The following LDHD variants were observed in gnomAD, a reference collection of about 807,000 sequenced individuals.
LDHD encodes lactate dehydrogenase D, also known as D-lactate dehydrogenase, mitochondrial.
A neutral mutation model predicts 52.9 loss-of-function variants in LDHD; 58 were observed. The observed-to-expected ratio is 1.10, with a 90% CI of 0.89 to 1.36. The LOEUF is 1.36. Among genes scored for constraint, LDHD ranks in the 40% most tolerant of loss-of-function variants. LDHD has a pLI of 0.00. For missense variants in LDHD, 747 were observed against 668.0 expected (o/e 1.12, Z -1.30); for synonymous variants, 350 against 288.6 (o/e 1.21, Z -2.16).
In LDHD at chr16:75,112,651, C is replaced by G. The variant is rs2036425671; in HGVS notation, c.1240G>C (p.Asp414His). 1.2e-6 allele frequency: 2 copies of G among 1,614,044 alleles called. No homozygotes were observed. The highest frequency in any genetic ancestry group is 1.7e-6 in the Non-Finnish European group (2 of 1,180,036). The change falls in exon 10 of 11, where the codon GAC (aspartate) becomes CAC (histidine). Residue 414 changes from aspartate (D) to histidine (H), a missense_variant. By Grantham distance (81) the Asp-to-His change is moderately conservative. Coordinates refer to ENST00000450168, the MANE Select transcript of LDHD (RefSeq NM_194436.3). Reference sequence around the variant, plus strand: ...TTGACCCTGCCCAGTTCCTCGGCGTCATCAGGGTTGACCAGCAGGATGCAG... The same window carrying G: ...TTGACCCTGCCCAGTTCCTCGGCGTGATCAGGGTTGACCAGCAGGATGCAG... The part of the protein sequence containing the change: ...FHCILLVNPD[D>H]AEELGRVKAF...
chr16:75,114,728 C>G, intron 4 of LDHD, 43 bp from the exon 5 acceptor site: 1 of 1,549,686 alleles, frequency 6.5e-7, no homozygotes, highest in East Asian at 2.4e-5. Flanking sequence ...GACCGGAGGT[C>G]CTTTCCCTCG....
chr16:75,115,008 C>A, intron 3 of LDHD, 40 bp from the exon 4 acceptor site: 1 of 1,585,770 alleles, frequency 6.3e-7, no homozygotes, highest in Non-Finnish European at 8.6e-7. Flanking sequence ...AGACCTGGGT[C>A]TCTGACCTGG....
In LDHD at chr16:75,116,679, G is replaced by C. The variant is rs1306984099; in HGVS notation, c.42C>G (p.Pro14=). 1.2e-6 allele frequency: 2 copies of C among 1,603,722 alleles called. No homozygotes were observed. The highest frequency in any genetic ancestry group is 1.7e-6 in the Non-Finnish European group (2 of 1,175,868). ...LLRSATWELF[P]WRGYCSQKAK... ...CCTTCTGGGAGCAGTAGCCCCTCCA[G>C]GGGAACAGCTCCCAGGTTGCAGACC... Residue 14 remains proline (P), a synonymous_variant, in exon 1 of 11, where the codon CCC becomes CCG. Coordinates refer to ENST00000450168, the MANE Select transcript of LDHD (RefSeq NM_194436.3).
chr16:75,112,793 G>A (rs747563835), intron 9 of LDHD, 41 bp downstream of exon 9: 2 of 1,601,672 alleles, frequency 1.2e-6, no homozygotes, highest in African/African-American at 2.7e-5. Context: ...GATCAGCCCT[G>A]ACACCTCCCC....
chr16:75,115,744 G>A (rs2036540602), intron 1 of LDHD, 84 bp from the exon 2 acceptor site: 2 of 882,716 alleles, frequency 2.3e-6, no homozygotes, highest in Non-Finnish European at 3.4e-6. Context: ...GGAGGGCTGG[G>A]GGCTGGAGGC....
chr16:75,113,431 G>A, intron 8 of LDHD, 104 bp downstream of exon 8: 5 of 1,389,740 alleles, frequency 3.6e-6, no homozygotes, highest in East Asian at 2.3e-5. Flanking sequence ...GCCCAGCCCC[G>A]TTGTTGAGGC....
chr16:75,114,950 G>T lies in LDHD; in HGVS notation c.346C>A (p.Leu116Met). 1 of 1,612,704 alleles carries T rather than the reference G, an allele frequency of 6.2e-7. No individual in the cohort carries two copies. The highest frequency in any genetic ancestry group is 8.5e-7 in the Non-Finnish European group (1 of 1,179,498). The change falls in exon 4 of 11, where the codon CTG becomes ATG. Residue 116 changes from leucine (L) to methionine (M), a missense_variant. Transcript: ENST00000450168. ...CAVQGGVCVN[L>M]THMDRILELN... The stretch of plus-strand genomic sequence containing the variant: ...TCCAGGATTCGGTCCATATGCGTCA[G>T]GTTAACGCAGACGCCGCCCTGGTTG...
chr16:75,114,153 G>C lies in LDHD; in HGVS notation c.642C>G (p.Ala214=), dbSNP rs377513467. Residue 214 remains alanine, a synonymous_variant, in exon 6 of 11, where the codon GCC becomes GCG. Coordinates refer to ENST00000450168, the MANE Select transcript of LDHD (RefSeq NM_194436.3). ...CGAAGAGCCCCGTGAGGTTGTAGCC[G>C]GCTGCACTCTTCCTACGTCCCAGGG... The part of the protein sequence containing the change: ...GRGRHFRKSA[A]GYNLTGLFVG... 3.1e-6 allele frequency: 5 copies of C among 1,612,610 alleles called. No homozygotes were observed. The highest frequency in any genetic ancestry group is 4.2e-6 in the Non-Finnish European group (5 of 1,180,002).
chr16:75,114,008 T>C lies in LDHD; in HGVS notation c.787A>G (p.Thr263Ala). The C allele has an allele frequency of 6.2e-7, 1 of 1,606,654 alleles. No homozygotes were observed. The highest frequency in any genetic ancestry group is 8.5e-7 in the Non-Finnish European group (1 of 1,177,742). ...ACTGCAGCCTGGAGGATGTGTACAGTGCTGTCCACAGCAGCCTGGACACTG... is the reference window on the plus strand; with the variant it reads ...ACTGCAGCCTGGAGGATGTGTACAGCGCTGTCCACAGCAGCCTGGACACTG... The part of the protein sequence containing the change: ...FPSVQAAVDS[T>A]VHILQAAVPV... Residue 263 changes from threonine to alanine, a missense_variant, in exon 6 of 11, where the codon ACT becomes GCT. By Grantham distance (58) the Thr-to-Ala change is moderately conservative (BLOSUM62 0). Transcript: ENST00000450168.
In LDHD at chr16:75,112,434, G is replaced by A. The variant is rs141626735; in HGVS notation, c.1377C>T (p.Ala459=). Residue 459 remains alanine, a synonymous_variant, in exon 11 of 11, where the codon GCC becomes GCT. Transcript: ENST00000450168. ...KRQLLQEEVG[A]VGVETMRQLK... is the part of the protein sequence containing the mutation. ...GCTGCCGCATGGTCTCCACGCCCAC[G>A]GCGCCCACCTCCTCCTGCAGCAGCT... 5.6e-6 allele frequency: 9 copies of A among 1,613,340 alleles called. No individual in the cohort carries two copies. Among genetic ancestry groups the A allele is most frequent in the African/African-American group, 1.3e-5 (1 of 74,926 alleles).
rs2036435826 is a variant in LDHD, at chr16:75,112,861, C to T, written c.1150G>A (p.Glu384Lys). The T allele has an allele frequency of 6.2e-7, 1 of 1,613,468 alleles. No homozygotes were observed. ...RLPEIVVQTK[E>K]DLNASGLTGS... Reference sequence around the variant, plus strand: ...GTGAGTCCTGAGGCATTCAGATCCTCCTTGGTCTGCACCACGATCTCCGGC... The same window carrying T: ...GTGAGTCCTGAGGCATTCAGATCCTTCTTGGTCTGCACCACGATCTCCGGC... Residue 384 changes from glutamate (E) to lysine (K), a missense_variant, in exon 9 of 11, where the codon GAG (glutamate) becomes AAG (lysine). Glu to Lys is a moderately conservative substitution (Grantham distance 56). Transcript: ENST00000450168.
In LDHD at chr16:75,115,615, C is replaced by T; in HGVS notation, c.118G>A (p.Gly40Ser). The T allele has an allele frequency of 1.9e-6, 3 of 1,612,520 alleles. No individual in the cohort carries two copies. Among genetic ancestry groups the T allele is most frequent in the Non-Finnish European group, 2.5e-6 (3 of 1,179,766 alleles). Residue 40 changes from glycine (G) to serine (S), a missense_variant, in exon 2 of 11, where the codon GGC becomes AGC. Coordinates refer to ENST00000450168, the MANE Select transcript of LDHD (RefSeq NM_194436.3). ...GCGGCAGTGGACACGTGGGAGCCGCCCACCACGGCCTTCAGAGCCTCTACG... is the reference window on the plus strand; with the variant it reads ...GCGGCAGTGGACACGTGGGAGCCGCTCACCACGGCCTTCAGAGCCTCTACG... ...DFVEALKAVV[G>S]GSHVSTAAVV...
intron 3 of LDHD, 73 bp downstream of exon 3, chr16:75,115,125 G>T (rs2036517633): frequency 3.9e-5 from 60 of 1,548,354 alleles, no homozygotes; most frequent in Non-Finnish European, 5.2e-5. Flanking sequence ...CGTGTGTGGC[G>T]GGGGAGGCAG....
Position 75,114,824 on chromosome 16 carries a change from T to A in LDHD, c.469+3A>T, listed in dbSNP as rs2036507383. On this transcript the variant is annotated splice_donor_region_variant and intron_variant, in intron 4 of 10. Coordinates refer to ENST00000450168, the MANE Select transcript of LDHD (RefSeq NM_194436.3). ...GGTCCCAGGAAAGGTTCGCGAGTCC[T>A]ACCCACGGGAAACCAGAGGCCGCTG... is the stretch of plus-strand genomic sequence containing the variant. 1 of 1,611,662 alleles carries A rather than the reference T, an allele frequency of 6.2e-7. No individual in the cohort carries two copies. Among genetic ancestry groups the A allele is most frequent in the Non-Finnish European group, 8.5e-7 (1 of 1,178,892 alleles).
intron 3 of LDHD, 37 bp from the exon 4 acceptor site, chr16:75,115,005 G>C (rs375231949): frequency 6.3e-7 from 1 of 1,588,622 alleles, no homozygotes; most frequent in Non-Finnish European, 8.6e-7. Flanking sequence ...TGCAGACCTG[G>C]GTCTCTGACC....
At position 75,114,051 on chromosome 16, in the gene LDHD, G is replaced by A. The variant is rs777713478; in HGVS notation, c.744C>T (p.Ala248=). Residue 248 remains alanine, a synonymous_variant, in exon 6 of 11, where the codon GCC becomes GCT. Coordinates refer to ENST00000450168, the MANE Select transcript of LDHD (RefSeq NM_194436.3). ...GGACACTGGGGAACGCACACGTGGCGGCCACTGTGGCCTCAGGGGCAGGGT... is the reference window on the plus strand; with the variant it reads ...GGACACTGGGGAACGCACACGTGGCAGCCACTGTGGCCTCAGGGGCAGGGT... The part of the protein sequence containing the change: ...RLHPAPEATV[A]ATCAFPSVQA... 10 of 1,610,064 alleles carry A rather than the reference G, an allele frequency of 6.2e-6. No homozygotes were observed. The highest frequency in any genetic ancestry group is 5.3e-5 in the African/African-American group (4 of 74,940).
Position 75,114,563 on chromosome 16 carries a change from G to A in LDHD, c.592C>T (p.Arg198Trp). The A allele has an allele frequency of 1.3e-6, 2 of 1,530,862 alleles. No individual in the cohort carries two copies. The highest frequency in any genetic ancestry group is 1.2e-5 in the South Asian group (1 of 83,868). The allele number at this position is 1,530,862 out of a possible 1,614,324, so 94.8% of individuals were successfully genotyped here. A position where few individuals can be genotyped will look rare whatever the true frequency, so the allele number is the denominator to read the frequency against. ...LNLEVVLPDG[R>W]LLHTAGRGRH... is the part of the protein sequence containing the mutation. ...CCTCGGCCCGCCGTGTGCAGCAGCC[G>A]CCCGTCGGGCAGCACCACCTCCAGG... Residue 198 changes from arginine (R) to tryptophan (W), a missense_variant, in exon 5 of 11, where the codon CGG becomes TGG. Coordinates refer to ENST00000450168, the MANE Select transcript of LDHD (RefSeq NM_194436.3).
chr16:75,112,894 A>G lies in LDHD; in HGVS notation c.1117T>C (p.Ser373Pro), dbSNP rs1437570549. 6.2e-7 allele frequency: 1 copy of G among 1,612,686 alleles called. No homozygotes were observed. The highest frequency in any genetic ancestry group is 8.5e-7 in the Non-Finnish European group (1 of 1,179,964). The change falls in exon 9 of 11, where the codon TCC becomes CCC. Residue 373 changes from serine (S) to proline (P), a missense_variant. Physicochemically the swap from Ser to Pro is moderately conservative, Grantham distance 74. Transcript: ENST00000450168. ...GYSTDVCVPISRLPEIVVQTK... is the reference protein window; with the variant it reads ...GYSTDVCVPIPRLPEIVVQTK... ...TGCACCACGATCTCCGGCAGCCGGG[A>G]GATGGGCACACACACATCCGTGGAG...
intron 6 of LDHD, 40 bp from the exon 7 acceptor site, chr16:75,113,910 TTCCCAGGGGGCCTC>T: frequency 6.2e-7 from 1 of 1,611,864 alleles, no homozygotes; most frequent in South Asian, 1.1e-5. Context: ...AGGCCTGGCC[TTCCCAGGGGGCCTC>T]TTCCAGGGAG....
Sources: gnomAD v4.1 joint callset for allele counts on GRCh38, gnomAD v4.1.1 for gene constraint, MANE v1.5 for transcripts, NCBI Gene and HGNC (gene_info 2026-07-23, HGNC 2026-07-21) for gene names.